The following CD48 variants were observed in gnomAD, a reference collection of about 807,000 sequenced individuals.
CD48 encodes CD48 molecule.
In CD48, 20 loss-of-function variants were observed where a neutral mutation model predicts 22.0. That is an observed-to-expected ratio of 0.91 (90% CI 0.64 to 1.32). The LOEUF (loss-of-function observed/expected upper bound fraction) is 1.32. Ranked by LOEUF, CD48 falls within the 40% of genes most tolerant of loss-of-function variation. The pLI is 0.00. For synonymous variants in CD48, 110 were observed against 110.1 expected (o/e 1.00, Z 0.01); for missense variants, 307 against 286.5 (o/e 1.07, Z -0.52).
intron 2 of CD48, chr1:160,684,479 A>G: frequency 2.7e-6 from 1 of 372,794 alleles, no homozygotes. Context: ...GAAAGTTGAA[A>G]AATTCTCCTG....
At chr1:160,707,491 C>T (rs1217547092) in intron 1 of CD48, among the ~76,000 whole-genome samples, 1 of 152,096 alleles carries the variant, frequency 6.6e-6, no homozygotes, top group Non-Finnish European at 1.5e-5. Context: ...AGGAGGGACA[C>T]TTCATCCTCT....
intron 1 of CD48, among the ~76,000 whole-genome samples, chr1:160,706,262 C>T (rs959624957): frequency 3.3e-4 from 50 of 152,192 alleles, no homozygotes; most frequent in African/African-American, 1.2e-3. Flanking sequence ...TTAGTAGATA[C>T]GGGGTTTCAC....
chr1:160,691,184 G>A lies in CD48; in HGVS notation c.83-5995C>T, dbSNP rs572780993. Among the ~76,000 whole-genome samples the A allele has an allele frequency of 1.9e-4, 29 of 152,224 alleles. No individual in the cohort carries two copies. The East Asian group carries it at 2.5e-3, about 13-fold the overall frequency. On this transcript the variant is annotated intron_variant, in intron 1 of 3. Transcript: ENST00000368046. The stretch of plus-strand genomic sequence containing the variant: ...CTCGTGGGAAGGGAAAGACCTGACC[G>A]TCCCCCAGCCCGACACCCGTAAAGG...
intron 1 of CD48, among the ~76,000 whole-genome samples, chr1:160,707,526 C>G (rs1558040359): frequency 6.6e-6 from 1 of 152,122 alleles, no homozygotes; most frequent in African/African-American, 2.4e-5. Flanking sequence ...GGAGGAAAGA[C>G]AGCTGGTGGT....
Position 160,679,080 on chromosome 1 carries a change from G to A in CD48, c.704C>T (p.Pro235Leu), listed in dbSNP as rs927120658. Residue 235 changes from proline (P) to leucine (L), a missense_variant, in exon 4 of 4, where the codon CCC becomes CTC. By Grantham distance (98) the Pro-to-Leu change is moderately conservative. Coordinates refer to ENST00000368046, the MANE Select transcript of CD48 (RefSeq NM_001778.4). ...WIASWLVVTV[P>L]TILGLLLT is the part of the protein sequence containing the mutation. ...GGTAAGTAACAGGCCAAGAATGGTG[G>A]GCACCGTGACCACTAGCCAACTTGC... 7 of 1,613,930 alleles carry A rather than the reference G, an allele frequency of 4.3e-6. No individual in the cohort carries two copies. In the African/African-American group the frequency reaches 9.3e-5, roughly 22 times the overall value.
chr1:160,701,571 G>C (rs1662631314), intron 1 of CD48, among the ~76,000 whole-genome samples: 1 of 152,030 alleles, frequency 6.6e-6, no homozygotes, highest in Non-Finnish European at 1.5e-5. Flanking sequence ...TGGTAATCCA[G>C]GAACAAACCT....
chr1:160,703,322 A>C (rs527553178), intron 1 of CD48, among the ~76,000 whole-genome samples: 1 of 152,196 alleles, frequency 6.6e-6, no homozygotes, highest in African/African-American at 2.4e-5. Context: ...TAACATAAGG[A>C]GAAGTAGGAC....
At chr1:160,702,757 T>C (rs1201813522) in intron 1 of CD48, among the ~76,000 whole-genome samples, 1 of 152,200 alleles carries the variant, frequency 6.6e-6, no homozygotes, top group East Asian at 1.9e-4. Context: ...TTTGTGGGTA[T>C]CTGATCCAAT....
intron 3 of CD48, chr1:160,680,355 A>G (rs111406421): frequency 0.011 from 1,706 of 156,404 alleles, 32 homozygotes; most frequent in African/African-American, 0.038. Flanking sequence ...GCTCCCGCTT[A>G]CTAAGGACTT....
rs1473340712 is a variant in CD48, at chr1:160,711,817, A to C, written c.-54T>G. On this transcript the variant is annotated 5_prime_UTR_variant, in exon 1 of 4. Transcript: ENST00000368046. Reference sequence around the variant, plus strand: ...AGGAGACAGTTGAGAGCCTGGCTAGAAAAAGGCCGGGGCTAAAAACGGAAC... The same window carrying C: ...AGGAGACAGTTGAGAGCCTGGCTAGCAAAAGGCCGGGGCTAAAAACGGAAC... 11 of 1,354,378 alleles carry C rather than the reference A, an allele frequency of 8.1e-6. No individual in the cohort carries two copies. Among genetic ancestry groups the C allele is most frequent in the Non-Finnish European group, 1.1e-5 (10 of 946,090 alleles). The allele number at this position is 1,354,378 out of a possible 1,614,324, so 83.9% of individuals were successfully genotyped here.
chr1:160,709,580 G>A (rs947501368), intron 1 of CD48, among the ~76,000 whole-genome samples: 1 of 152,090 alleles, frequency 6.6e-6, no homozygotes, highest in African/African-American at 2.4e-5. Context: ...GGGTAGTTGT[G>A]GAGCATGCCC....
chr1:160,698,792 G>A (rs879086619), intron 1 of CD48, among the ~76,000 whole-genome samples: 499 of 136,022 alleles, frequency 3.7e-3, no homozygotes, highest in South Asian at 6.3e-3. Flanking sequence ...AATTTTCGAA[G>A]CATCAAAAGC....
chr1:160,686,371 G>A (rs1661999840), intron 1 of CD48, among the ~76,000 whole-genome samples: 1 of 152,168 alleles, frequency 6.6e-6, no homozygotes, highest in Admixed American at 6.5e-5. Flanking sequence ...TAAACACAGT[G>A]TGCTATGGGA....
At chr1:160,709,504 A>T (rs569615668) in intron 1 of CD48, among the ~76,000 whole-genome samples, 40 of 152,320 alleles carry the variant, frequency 2.6e-4, no homozygotes, top group African/African-American at 8.7e-4. Context: ...GAACTAGGTC[A>T]TCTCATTTCT....
At chr1:160,699,650 T>C (rs991832972) in intron 1 of CD48, 16 of 152,240 alleles carry the variant, frequency 1.1e-4, no homozygotes, top group African/African-American at 2.7e-4. Context: ...GTGGGACATG[T>C]GGGCAGCAAT....
chr1:160,696,808 T>C (rs1662443476), intron 1 of CD48, among the ~76,000 whole-genome samples: 1 of 145,056 alleles, frequency 6.9e-6, no homozygotes, highest in African/African-American at 2.6e-5. Flanking sequence ...TATTGTCTTG[T>C]TTTGCTGTAA....
chr1:160,693,620 C>T (rs1466315722), intron 1 of CD48, among the ~76,000 whole-genome samples: 2 of 152,300 alleles, frequency 1.3e-5, no homozygotes, highest in Admixed American at 6.5e-5. Flanking sequence ...AGGTAGAGAG[C>T]CACCTGACTT....
In CD48 at chr1:160,711,779, T is replaced by G. The variant is rs530631687; in HGVS notation, c.-16A>C. On this transcript the variant is annotated 5_prime_UTR_variant, in exon 1 of 4. Coordinates refer to ENST00000368046, the MANE Select transcript of CD48 (RefSeq NM_001778.4). ...TGGAGCACATGCTTCCTTCCAGAAC[T>G]TCCCAGCAACGCAGGAGACAGTTGA... is the stretch of plus-strand genomic sequence containing the variant. The G allele has an allele frequency of 3.0e-5, 48 of 1,606,204 alleles. 1 individual carries two copies. In the South Asian group the frequency reaches 4.2e-4, roughly 14 times the overall value.
At chr1:160,700,534 G>A (rs1454950960) in intron 1 of CD48, among the ~76,000 whole-genome samples, 1 of 152,158 alleles carries the variant, frequency 6.6e-6, no homozygotes, top group Non-Finnish European at 1.5e-5. Flanking sequence ...GGAGTGTAAT[G>A]AAGCAAAAAC....
Sources: gnomAD v4.1 joint callset for allele counts (sites outside exome capture counted in the v4.1 genomes callset) on GRCh38, gnomAD v4.1.1 for gene constraint, MANE v1.5 for transcripts, NCBI Gene and HGNC (gene_info 2026-07-23, HGNC 2026-07-21) for gene names.